The following CAST variants were observed in gnomAD, a reference collection of about 807,000 sequenced individuals.
The protein encoded by CAST is calpastatin.
Under a neutral mutation model 119.6 loss-of-function variants are expected in CAST, and 76 were observed. That is an observed-to-expected ratio of 0.64 (90% CI 0.53 to 0.77). The LOEUF is 0.77. Ranked by LOEUF, CAST falls within the 30% of genes least tolerant of loss-of-function variation. The pLI, the probability that CAST is intolerant of heterozygous loss-of-function variation, is 0.00. For missense variants in CAST, 953 were observed against 946.5 expected (o/e 1.01, Z -0.09); for synonymous variants, 319 against 331.6 (o/e 0.96, Z 0.41).
At chr5:96,661,258 A>T (rs1375136356), upstream of CAST, among the ~76,000 whole-genome samples, 10 of 22,300 alleles carry the variant, frequency 4.5e-4, no homozygotes, top group Admixed American at 4.6e-3. Flanking sequence ...CTCTACCATT[A>T]AAAAAAAAAA....
chr5:96,093,078 T>G, the CAST span, among the ~76,000 whole-genome samples: 3 of 152,178 alleles, frequency 2.0e-5, no homozygotes, highest in African/African-American at 7.2e-5. Flanking sequence ...GTGTGAAGAT[T>G]GATATCATTG....
chr5:96,044,084 C>T, the CAST span, among the ~76,000 whole-genome samples: 1 of 152,174 alleles, frequency 6.6e-6, no homozygotes. Context: ...AAACCTAATA[C>T]AATATTTATG....
chr5:96,529,668 T>C (rs202004927), upstream of CAST, among the ~76,000 whole-genome samples: 2 of 152,294 alleles, frequency 1.3e-5, no homozygotes, highest in East Asian at 3.9e-4. Flanking sequence ...CCACGTGTCA[T>C]GGGAGGGACT....
chr5:96,552,727 T>A (rs1746157966), intron 1 of CAST, among the ~76,000 whole-genome samples: 1 of 152,032 alleles, frequency 6.6e-6, no homozygotes, highest in African/African-American at 2.4e-5. Context: ...ATAAAGTGGG[T>A]ATCACCACCA....
At position 96,662,385 on chromosome 5, in the gene CAST, G is replaced by C; in HGVS notation, c.-38G>C. On this transcript the variant is annotated 5_prime_UTR_variant, in exon 1 of 32. Coordinates refer to ENST00000675179, the MANE Select transcript of CAST (RefSeq NM_001750.7). ...GCCAGGCCTCCCCGCCACTCTCCGCGGCGCATTCCGGGAGGCAGCGGCCGC... is the reference window on the plus strand; with the variant it reads ...GCCAGGCCTCCCCGCCACTCTCCGCCGCGCATTCCGGGAGGCAGCGGCCGC... 7.9e-7 allele frequency: 1 copy of C among 1,267,226 alleles called. No individual in the cohort carries two copies. Among genetic ancestry groups the C allele is most frequent in the East Asian group, 5.1e-5 (1 of 19,568 alleles). 78.5% of individuals were successfully genotyped at this position (1,267,226 alleles called of 1,614,324 possible). A position where few individuals can be genotyped will look rare whatever the true frequency, so the allele number is the denominator to read the frequency against.
chr5:96,725,995 C>T (rs13176209), intron 4 of CAST, among the ~76,000 whole-genome samples: 36,161 of 152,010 alleles, frequency 0.24, 5,009 homozygotes, highest in Non-Finnish European at 0.32. Flanking sequence ...TATGTGTCTT[C>T]ATTACTGAAG....
the CAST span, among the ~76,000 whole-genome samples, chr5:95,994,680 A>G: frequency 5.9e-5 from 9 of 152,186 alleles, no homozygotes; most frequent in African/African-American, 1.9e-4. Flanking sequence ...AGACACTATT[A>G]AAAGAAGATG....
the CAST span, among the ~76,000 whole-genome samples, chr5:96,506,312 T>G: frequency 6.7e-6 from 1 of 149,890 alleles, no homozygotes; most frequent in African/African-American, 2.4e-5. Context: ...ATTGAGCACC[T>G]ACTAATGTTT....
the CAST span, among the ~76,000 whole-genome samples, chr5:96,395,866 C>T: frequency 1.3e-5 from 2 of 152,036 alleles, no homozygotes; most frequent in Non-Finnish European, 2.9e-5. Flanking sequence ...AATTCAGTTA[C>T]AAAAAGTTGC....
chr5:96,075,633 A>G, the CAST span, among the ~76,000 whole-genome samples: 1 of 152,226 alleles, frequency 6.6e-6, no homozygotes, highest in Non-Finnish European at 1.5e-5. Context: ...ATGGAAAAGA[A>G]GAAATAGAGT....
At chr5:96,500,728 GC>G in the CAST span, among the ~76,000 whole-genome samples, 1 of 152,288 alleles carries the variant, frequency 6.6e-6, no homozygotes, top group Admixed American at 6.5e-5. Flanking sequence ...CATAACATTA[GC>G]CAGAACAAAG....
chr5:96,471,952 T>C, the CAST span, among the ~76,000 whole-genome samples: 1 of 152,170 alleles, frequency 6.6e-6, no homozygotes, highest in Admixed American at 6.5e-5. Flanking sequence ...GTTATGTACA[T>C]CTTCCAACTT....
chr5:96,197,538 A>G, the CAST span, among the ~76,000 whole-genome samples: 1 of 152,288 alleles, frequency 6.6e-6, no homozygotes, highest in Middle Eastern at 3.4e-3. Flanking sequence ...AAGGGGCTGG[A>G]CAGATTTTCA....
the CAST span, among the ~76,000 whole-genome samples, chr5:96,171,569 G>T: frequency 6.6e-6 from 1 of 152,360 alleles, no homozygotes; most frequent in South Asian, 2.1e-4. Flanking sequence ...AATCAGGCAG[G>T]TGTCCCTGCA....
At position 96,675,612 on chromosome 5, in the gene CAST, C is replaced by A; in HGVS notation, c.138+11C>A. On this transcript the variant is annotated intron_variant, in intron 2 of 31. Coordinates refer to ENST00000675179, the MANE Select transcript of CAST (RefSeq NM_001750.7). ...AAAGGATCAGATGAGGTAATTTCCA[C>A]AATACTGGGCTTTCATTTTCTCTTG... 1 of 1,580,808 alleles carries A rather than the reference C, an allele frequency of 6.3e-7. No homozygotes were observed. Among genetic ancestry groups the A allele is most frequent in the Non-Finnish European group, 8.7e-7 (1 of 1,154,114 alleles).
chr5:96,048,469 T>G, the CAST span, among the ~76,000 whole-genome samples: 1 of 152,112 alleles, frequency 6.6e-6, no homozygotes. Context: ...TCGTTTTCAT[T>G]TTCTAACTTG....
At chr5:96,160,798 C>T in the CAST span, among the ~76,000 whole-genome samples, 3 of 152,146 alleles carry the variant, frequency 2.0e-5, no homozygotes, top group African/African-American at 7.2e-5. Flanking sequence ...ATAATATTCA[C>T]CCTACTGGGT....
At chr5:96,701,008 C>T (rs186875227) in intron 3 of CAST, among the ~76,000 whole-genome samples, 1 of 151,990 alleles carries the variant, frequency 6.6e-6, no homozygotes, top group Non-Finnish European at 1.5e-5. Flanking sequence ...CTCACTGCAA[C>T]CTCCACCTTC....
At chr5:96,546,355 C>A (rs1746017892) in intron 1 of CAST, 1 of 152,158 alleles carries the variant, frequency 6.6e-6, no homozygotes, top group African/African-American at 2.4e-5. Context: ...CAAGCCTGGT[C>A]TTTTATATTT....
Sources: allele counts gnomAD v4.1 joint callset (sites outside exome capture counted in the v4.1 genomes callset), GRCh38; gene constraint gnomAD v4.1.1; transcripts MANE v1.5; gene names NCBI Gene and HGNC (gene_info 2026-07-23, HGNC 2026-07-21).